The following THAP9 variants were observed in gnomAD, a reference collection of about 807,000 sequenced individuals.
THAP9 encodes DNA transposase THAP9.
In THAP9, 20 loss-of-function variants were observed where a neutral mutation model predicts 35.7. The ratio of observed to expected loss-of-function variants is 0.56; its 90% confidence interval spans 0.39 to 0.81. The LOEUF (loss-of-function observed/expected upper bound fraction) is 0.81, where lower values mean the gene tolerates loss of function less well. Ranked by LOEUF, THAP9 falls within the 40% of genes least tolerant of loss-of-function variation. THAP9 has a pLI of 0.00. For missense variants in THAP9, 870 were observed against 1,047.4 expected (o/e 0.83, Z 2.34); for synonymous variants, 335 against 373.7 (o/e 0.90, Z 1.19).
chr4:82,902,158 G>A (rs866429276), intron 1 of THAP9, among the ~76,000 whole-genome samples: 13 of 130,704 alleles, frequency 9.9e-5, no homozygotes, highest in Middle Eastern at 5.2e-3. Flanking sequence ...GCCCAGGCTG[G>A]AGAGCAGTGG....
intron 1 of THAP9, among the ~76,000 whole-genome samples, chr4:82,902,448 C>A (rs1720463000): frequency 6.6e-6 from 1 of 152,124 alleles, no homozygotes; most frequent in African/African-American, 2.4e-5. Context: ...GGGCTGCCTT[C>A]AAGTAACTAC....
At chr4:82,902,794 G>A (rs1720479368) in intron 1 of THAP9, among the ~76,000 whole-genome samples, 1 of 152,186 alleles carries the variant, frequency 6.6e-6, no homozygotes, top group South Asian at 2.1e-4. Context: ...GGAATTAGTT[G>A]TTCTTAGGAA....
rs1560701629 is a variant in THAP9 at position 82,919,613 on chromosome 4, T to C, written c.*689T>C. The C allele has an allele frequency of 6.6e-6, 1 of 152,188 alleles. No homozygotes were observed. Among genetic ancestry groups the C allele is most frequent in the South Asian group, 2.1e-4 (1 of 4,828 alleles). The allele number at this position is 152,188 out of a possible 1,614,324, so 9.4% of individuals were successfully genotyped here. ...TCCATTATCTCTGAACTTTGAAATA[T>C]TACTTTTGAATAATAGGCTGGACAC... is the stretch of plus-strand genomic sequence containing the variant. On this transcript the variant is annotated 3_prime_UTR_variant, in exon 5 of 5. Transcript: ENST00000302236.
Position 82,917,347 on chromosome 4 carries a change from A to C in THAP9, c.1135A>C (p.Ser379Arg), listed in dbSNP as rs1721069828. ...TGTTACATCTGATGCCACAGCACAT[A>C]GTGTTCAGATGGCAAAAGCATTGGG... is the stretch of plus-strand genomic sequence containing the variant. ...LAVTSDATAH[S>R]VQMAKALGIH... The change falls in exon 5 of 5, where the codon AGT (serine) becomes CGT (arginine). Residue 379 changes from serine (S) to arginine (R), a missense_variant. By Grantham distance (110) the Ser-to-Arg change is moderately radical (BLOSUM62 -1). Transcript: ENST00000302236. The C allele has an allele frequency of 6.2e-7, 1 of 1,613,396 alleles. No homozygotes were observed. Among genetic ancestry groups the C allele is most frequent in the African/African-American group, 1.3e-5 (1 of 74,938 alleles).
chr4:82,910,439 A>T (rs915615090), intron 4 of THAP9, among the ~76,000 whole-genome samples: 3 of 9,048 alleles, frequency 3.3e-4, no homozygotes, highest in Admixed American at 4.0e-3. Context: ...CAAGTTAAAT[A>T]AAAAAAAAAA....
intron 4 of THAP9, 88 bp from the exon 5 acceptor site, chr4:82,916,856 G>T: frequency 7.7e-6 from 9 of 1,165,102 alleles, no homozygotes; most frequent in Non-Finnish European, 1.0e-5. Context: ...CTACAGGGAT[G>T]GGAGACTACT....
At chr4:82,908,718 C>A (rs1720752214) in intron 4 of THAP9, among the ~76,000 whole-genome samples, 1 of 152,024 alleles carries the variant, frequency 6.6e-6, no homozygotes, top group South Asian at 2.1e-4. Context: ...CAGCCTCCTA[C>A]TGAGTAGCTG....
In THAP9 at chr4:82,915,405, C is replaced by T. The variant is rs571224673; in HGVS notation, c.732-1539C>T. 9.9e-5 allele frequency among the ~76,000 whole-genome samples: 15 copies of T among 152,080 alleles called. No individual in the cohort carries two copies. In the East Asian group the frequency reaches 1.2e-3, roughly 12 times the overall value. On this transcript the variant is annotated intron_variant, in intron 4 of 4. Transcript: ENST00000302236. ...CTGAGTGGCTGGGATTACAGGTGCGCGCCACCATGCCCAGCTAATTTTTGT... is the reference window on the plus strand; with the variant it reads ...CTGAGTGGCTGGGATTACAGGTGCGTGCCACCATGCCCAGCTAATTTTTGT...
In THAP9 at chr4:82,917,909, TTAAAGG is replaced by T. The variant is rs1240012428; in HGVS notation, c.1701_1706del (p.Gly568_Lys569del). The T allele has an allele frequency of 6.2e-7, 1 of 1,613,748 alleles. No homozygotes were observed. Among genetic ancestry groups the T allele is most frequent in the Non-Finnish European group, 8.5e-7 (1 of 1,179,948 alleles). ...TCTGACACTAGCAATAATCAAATAA[TTAAAGG>T]TAAGCAAAAACTAGGATTCCTGGGA... On this transcript the variant is annotated inframe_deletion, in exon 5 of 5. Transcript: ENST00000302236.
Position 82,918,011 on chromosome 4 carries a change from C to T in THAP9, c.1799C>T (p.Pro600Leu). The T allele has an allele frequency of 6.2e-7, 1 of 1,613,980 alleles. No homozygotes were observed. The highest frequency in any genetic ancestry group is 8.5e-7 in the Non-Finnish European group (1 of 1,179,972). ...NYVFPKVMPF[P>L]YLLTYKFSHD... ...GTTTTCCCAAAGGTCATGCCTTTTC[C>T]TTATCTTCTGACTTACAAATTCAGT... The change falls in exon 5 of 5, where the codon CCT becomes CTT. Residue 600 changes from proline (P) to leucine (L), a missense_variant. Physicochemically the swap from Pro to Leu is moderately conservative, Grantham distance 98. Coordinates refer to ENST00000302236, the MANE Select transcript of THAP9 (RefSeq NM_024672.6).
intron 4 of THAP9, among the ~76,000 whole-genome samples, chr4:82,915,474 C>T (rs1269623105): frequency 6.6e-6 from 1 of 152,116 alleles, no homozygotes; most frequent in African/African-American, 2.4e-5. Context: ...CCAGGCTGGT[C>T]TCAAACTCCT....
rs1428960819 is a variant in THAP9 at position 82,917,970 on chromosome 4, G to T, written c.1758G>T (p.Trp586Cys). 1 of 1,613,912 alleles carries T rather than the reference G, an allele frequency of 6.2e-7. No individual in the cohort carries two copies. Among genetic ancestry groups the T allele is most frequent in the Non-Finnish European group, 8.5e-7 (1 of 1,179,954 alleles). ...TGCTCAATGCTGAGAGCTTAAAATG[G>T]CTCTACCAAAATTATGTTTTCCCAA... The part of the protein sequence containing the change: ...GFLLNAESLK[W>C]LYQNYVFPKV... The change falls in exon 5 of 5, where the codon TGG becomes TGT. Residue 586 changes from tryptophan to cysteine, a missense_variant. Transcript: ENST00000302236.
chr4:82,901,460 G>A (rs926876977), intron 1 of THAP9, among the ~76,000 whole-genome samples: 9 of 152,122 alleles, frequency 5.9e-5, no homozygotes, highest in Non-Finnish European at 1.2e-4. Flanking sequence ...GGGTACACTA[G>A]CAAGTAGAAA....
chr4:82,903,961 T>A (rs367905901), intron 1 of THAP9, among the ~76,000 whole-genome samples: 3 of 152,110 alleles, frequency 2.0e-5, no homozygotes, highest in East Asian at 1.9e-4. Context: ...TATGACGTAG[T>A]CTGTGGTCAC....
chr4:82,906,505 T>C lies in THAP9; in HGVS notation c.458T>C (p.Leu153Pro). The change falls in exon 3 of 5, where the codon CTT (leucine) becomes CCT (proline). Residue 153 changes from leucine (L) to proline (P), a missense_variant. Physicochemically the swap from Leu to Pro is moderately conservative, Grantham distance 98. Around this residue, in one of 3 missense-constraint regions of THAP9, gnomAD observed 440 missense variants for 501.2 expected, o/e 0.88. Transcript: ENST00000302236. The stretch of plus-strand genomic sequence containing the variant: ...ATGTTACAAGTGTCCAAAAAAAGAC[T>C]TATCTCCGTAAAGAACTACAGGATG... ...QQMLQVSKKRLISVKNYRMIK... is the reference protein window; with the variant it reads ...QQMLQVSKKRPISVKNYRMIK... 1 of 1,613,786 alleles carries C rather than the reference T, an allele frequency of 6.2e-7. No homozygotes were observed. Among genetic ancestry groups the C allele is most frequent in the East Asian group, 2.2e-5 (1 of 44,836 alleles).
intron 1 of THAP9, chr4:82,901,149 T>A: frequency 1.5e-6 from 1 of 670,676 alleles, no homozygotes; most frequent in Non-Finnish European, 2.7e-6. Context: ...AGTCCTCCAT[T>A]AATTGGATGG....
intron 1 of THAP9, among the ~76,000 whole-genome samples, chr4:82,904,212 C>T (rs974406542): frequency 3.3e-5 from 5 of 151,628 alleles, no homozygotes; most frequent in African/African-American, 1.2e-4. Flanking sequence ...TACAGGCACC[C>T]GCCACCACGT....
In THAP9 at chr4:82,918,689, T is replaced by C; in HGVS notation, c.2477T>C (p.Val826Ala). The change falls in exon 5 of 5, where the codon GTG becomes GCG. Residue 826 changes from valine (V) to alanine (A), a missense_variant. This residue lies in a region of THAP9 where 414 missense variants were observed against 500.8 expected (regional missense o/e 0.83). Transcript: ENST00000302236. The stretch of plus-strand genomic sequence containing the variant: ...AATAAGCATCTCTTTGATGGAGAAG[T>C]GTGTGCCATCAATCACTTTGTCAAG... ...DVNKHLFDGE[V>A]CAINHFVKLL... is the part of the protein sequence containing the mutation. The C allele has an allele frequency of 5.6e-6, 9 of 1,613,888 alleles. No individual in the cohort carries two copies. The highest frequency in any genetic ancestry group is 7.6e-6 in the Non-Finnish European group (9 of 1,179,792).
intron 1 of THAP9, among the ~76,000 whole-genome samples, chr4:82,901,428 G>A (rs1720364481): frequency 6.6e-6 from 1 of 152,082 alleles, no homozygotes; most frequent in African/African-American, 2.4e-5. Context: ...GGTTCAGACT[G>A]GTATAGGTCA....
Sources: gnomAD v4.1 joint callset for allele counts (sites outside exome capture counted in the v4.1 genomes callset) on GRCh38, gnomAD v4.1.1 for gene constraint, gnomAD v4.1.1 regional missense constraint, MANE v1.5 for transcripts, NCBI Gene and HGNC (gene_info 2026-07-23, HGNC 2026-07-21) for gene names.